SNTG2: variants seen among roughly 807,000 people sequenced by gnomAD.
SNTG2 encodes gamma-2-syntrophin.
SNTG2 carries 74 observed loss-of-function variants against 70.9 expected under a neutral mutation model. The ratio of observed to expected loss-of-function variants is 1.04; its 90% CI spans 0.86 to 1.27. SNTG2 has a LOEUF of 1.27. Ranked by LOEUF, SNTG2 falls within the 50% of genes most tolerant of loss-of-function variation. The probability of loss-of-function intolerance (pLI) is 0.00; values close to 1 mark genes in which losing one functional copy is unlikely to be tolerated. For missense variants in SNTG2, 717 were observed against 690.7 expected (o/e 1.04, Z -0.43); for synonymous variants, 278 against 273.8 (o/e 1.02, Z -0.15).
chr2:1,172,941 G>A (rs1055091439), intron 7 of SNTG2, 151 bp from the exon 8 acceptor site: 11 of 667,542 alleles, frequency 1.6e-5, no homozygotes, highest in African/African-American at 1.6e-4. Flanking sequence ...GAAAGTGAGA[G>A]GCCATTGGGG....
At chr2:1,081,122 G>A (rs2148163927) in intron 1 of SNTG2, among the ~76,000 whole-genome samples, 1 of 152,316 alleles carries the variant, frequency 6.6e-6, no homozygotes, top group South Asian at 2.1e-4. Context: ...GCGTCCTGAG[G>A]AAGCCCCATC....
chr2:967,652 G>A (rs1660612010), intron 1 of SNTG2, among the ~76,000 whole-genome samples: 1 of 152,114 alleles, frequency 6.6e-6, no homozygotes, highest in African/African-American at 2.4e-5. Context: ...TTGGATGTTG[G>A]TTTGTTTCTC....
intron 1 of SNTG2, among the ~76,000 whole-genome samples, chr2:1,037,270 G>T (rs1289330619): frequency 6.6e-6 from 1 of 152,200 alleles, no homozygotes; most frequent in African/African-American, 2.4e-5. Context: ...GGCAGTGGGG[G>T]CTAACACCCG....
chr2:1,307,359 ATG>A (rs1216598152), intron 14 of SNTG2, among the ~76,000 whole-genome samples: 1 of 125,422 alleles, frequency 8.0e-6, no homozygotes, highest in Non-Finnish European at 1.6e-5. Context: ...TGCACTCTGT[ATG>A]TGTGTGTGTA....
At chr2:1,315,417 G>A (rs1167854803) in intron 15 of SNTG2, among the ~76,000 whole-genome samples, 2 of 151,638 alleles carry the variant, frequency 1.3e-5, no homozygotes, top group Non-Finnish European at 2.9e-5. Context: ...GACACTTAGA[G>A]AAAAATATGT....
At position 951,026 on chromosome 2, in the gene SNTG2, C is replaced by A. The variant is rs1659936708; in HGVS notation, c.30C>A (p.Ala10=). The A allele has an allele frequency of 9.5e-6, 12 of 1,266,462 alleles. No homozygotes were observed. The highest frequency in any genetic ancestry group is 1.2e-5 in the Non-Finnish European group (12 of 1,008,872). The allele number at this position is 1,266,462 out of a possible 1,614,324, so 78.5% of individuals were successfully genotyped here. MGTEGPPPP[A]ASRGRQGCLL... is the part of the protein sequence containing the mutation. Reference sequence around the variant, plus strand: ...GCACCGAGGGACCCCCGCCCCCGGCCGCCTCCCGCGGACGCCAGGGCTGCC... The same window carrying A: ...GCACCGAGGGACCCCCGCCCCCGGCAGCCTCCCGCGGACGCCAGGGCTGCC... The change falls in exon 1 of 17, where the codon GCC becomes GCA. Residue 10 remains alanine, a synonymous_variant. Coordinates refer to ENST00000308624, the MANE Select transcript of SNTG2 (RefSeq NM_018968.4).
At chr2:1,184,164 T>C (rs772495117) in intron 8 of SNTG2, among the ~76,000 whole-genome samples, 2 of 152,104 alleles carry the variant, frequency 1.3e-5, no homozygotes, top group African/African-American at 4.8e-5. Context: ...GGGGTCAGAA[T>C]TGGAGAATTG....
intron 14 of SNTG2, among the ~76,000 whole-genome samples, chr2:1,277,888 C>T (rs1572908682): frequency 2.6e-5 from 4 of 152,194 alleles, no homozygotes; most frequent in South Asian, 4.1e-4. Flanking sequence ...CGGAAGTGTC[C>T]GGCCCCACTC....
chr2:1,139,550 C>T (rs974576263), intron 6 of SNTG2, among the ~76,000 whole-genome samples: 4 of 152,152 alleles, frequency 2.6e-5, no homozygotes, highest in African/African-American at 9.6e-5. Flanking sequence ...CAAATTTTTG[C>T]ACCAGTTGCT....
intron 9 of SNTG2, among the ~76,000 whole-genome samples, chr2:1,234,195 C>A (rs1054487132): frequency 6.6e-6 from 1 of 152,186 alleles, no homozygotes; most frequent in African/African-American, 2.4e-5. Flanking sequence ...CTGGAAGAAG[C>A]GGCTCCTGAT....
chr2:1,098,009 G>A (rs943893842), intron 2 of SNTG2, among the ~76,000 whole-genome samples, 187 bp from the exon 3 acceptor site: 8 of 151,986 alleles, frequency 5.3e-5, no homozygotes, highest in African/African-American at 1.4e-4. Flanking sequence ...CACTGTCTTC[G>A]TTTTCATACG....
intron 6 of SNTG2, among the ~76,000 whole-genome samples, chr2:1,139,642 A>C (rs1668619987): frequency 6.6e-6 from 1 of 151,706 alleles, no homozygotes; most frequent in Non-Finnish European, 1.5e-5. Flanking sequence ...CCTGGGCAAC[A>C]TAGCAGGACC....
chr2:1,123,444 G>A (rs1333629624), intron 4 of SNTG2, among the ~76,000 whole-genome samples: 1 of 152,146 alleles, frequency 6.6e-6, no homozygotes, highest in Non-Finnish European at 1.5e-5. Context: ...GGCATCAGGA[G>A]GATACAATGG....
At chr2:1,125,959 TTCA>T (rs1342754346) in intron 4 of SNTG2, among the ~76,000 whole-genome samples, 1 of 152,218 alleles carries the variant, frequency 6.6e-6, no homozygotes, top group African/African-American at 2.4e-5. Context: ...AATTATCATA[TTCA>T]TCATCTCCAA....
chr2:1,303,419 A>G (rs13399870), intron 14 of SNTG2, among the ~76,000 whole-genome samples: 3,221 of 152,038 alleles, frequency 0.021, 111 homozygotes, highest in African/African-American at 0.073. Flanking sequence ...CAAGGCAAAT[A>G]AAAAATAATG....
chr2:1,286,867 G>T (rs187619430), intron 14 of SNTG2, among the ~76,000 whole-genome samples: 6 of 152,212 alleles, frequency 3.9e-5, no homozygotes, highest in African/African-American at 9.6e-5. Context: ...CATCACACTT[G>T]CTCTGAAGAA....
Position 1,083,548 on chromosome 2 carries a change from G to T in SNTG2, c.103G>T (p.Glu35Ter). ...AACCACTATTGCTCTGTTGTATGAT[G>T]AAGAGTCCGAAAATGCCTATGACAT... The part of the protein sequence containing the change: ...TKTTIALLYD[E>*]ESENAYDIRL... Residue 35 changes from glutamate to a stop codon, truncating the protein, a stop_gained, in exon 2 of 17, where the codon GAA becomes TAA. Coordinates refer to ENST00000308624, the MANE Select transcript of SNTG2 (RefSeq NM_018968.4). LOFTEE classifies it high-confidence loss of function. The T allele has an allele frequency of 6.2e-7, 1 of 1,613,726 alleles. No individual in the cohort carries two copies. Among genetic ancestry groups the T allele is most frequent in the Non-Finnish European group, 8.5e-7 (1 of 1,179,716 alleles).
chr2:1,046,824 A>C (rs1386830018), intron 1 of SNTG2, among the ~76,000 whole-genome samples: 1 of 151,998 alleles, frequency 6.6e-6, no homozygotes, highest in Non-Finnish European at 1.5e-5. Context: ...GAATCTGATG[A>C]CTATATGTCT....
chr2:1,191,455 G>A (rs1189367167), intron 8 of SNTG2, among the ~76,000 whole-genome samples: 4 of 152,182 alleles, frequency 2.6e-5, no homozygotes, highest in Admixed American at 1.3e-4. Flanking sequence ...AACTGTGGCC[G>A]TGGGATCAGA....
Sources: gnomAD v4.1 joint callset for allele counts (sites outside exome capture counted in the v4.1 genomes callset) on GRCh38, gnomAD v4.1.1 for gene constraint, MANE v1.5 for transcripts, NCBI Gene and HGNC (gene_info 2026-07-23, HGNC 2026-07-21) for gene names.